The following EYS variants were observed in gnomAD, a reference collection of about 807,000 sequenced individuals.
EYS encodes EGF-like photoreceptor maintenance factor.
A neutral mutation model predicts 282.1 loss-of-function variants in EYS; 250 were observed. The ratio of observed to expected loss-of-function variants is 0.89; its 90% CI spans 0.80 to 0.98. EYS has a LOEUF of 0.98. Ranked by LOEUF, EYS falls within the 50% of genes least tolerant of loss-of-function variation. EYS has a pLI of 0.00. For synonymous variants in EYS, 1,355 were observed against 1,282.9 expected (o/e 1.06, Z -1.20); for missense variants, 4,016 against 3,709.0 (o/e 1.08, Z -2.15).
intron 12 of EYS, among the ~76,000 whole-genome samples, chr6:65,212,238 AATG>A (rs1171628940): frequency 6.6e-6 from 1 of 152,126 alleles, no homozygotes; most frequent in Non-Finnish European, 1.5e-5. Context: ...ATACAAACAA[AATG>A]ATGAGAGATA....
At chr6:64,406,958 C>A (rs1481917261) in intron 28 of EYS, among the ~76,000 whole-genome samples, 1 of 152,088 alleles carries the variant, frequency 6.6e-6, no homozygotes, top group African/African-American at 2.4e-5. Flanking sequence ...GGTATATACC[C>A]GAAGGATAAT....
intron 14 of EYS, among the ~76,000 whole-genome samples, chr6:64,983,058 T>C (rs918519121): frequency 6.6e-6 from 1 of 151,220 alleles, no homozygotes; most frequent in Non-Finnish European, 1.5e-5. Context: ...TTTTATAACA[T>C]TATGAATTTC....
chr6:64,111,229 CAG>C (rs1339714325), intron 31 of EYS, among the ~76,000 whole-genome samples: 1 of 151,966 alleles, frequency 6.6e-6, no homozygotes, highest in African/African-American at 2.4e-5. Flanking sequence ...ACCTCATTGG[CAG>C]AGACTCTGTC....
In EYS at chr6:64,151,317, T is replaced by G. The variant is rs11752243; in HGVS notation, c.6425-69315A>C. Among the ~76,000 whole-genome samples the G allele has an allele frequency of 8.3e-3, 437 of 52,396 alleles. 8 individuals are homozygous for G. The highest frequency in any genetic ancestry group is 0.059 in the East Asian group (80 of 1,366). The allele number at this position is 52,396 out of a possible 152,430, so 34.4% of individuals were successfully genotyped here. Reference sequence around the variant, plus strand: ...TTTTCACACGTGTGTGTGTGTATATTTATATATATATATATATATATATAT... The same window carrying G: ...TTTTCACACGTGTGTGTGTGTATATGTATATATATATATATATATATATAT... On this transcript the variant is annotated intron_variant, in intron 31 of 42. Transcript: ENST00000503581.
chr6:63,981,142 G>C (rs1275024999), intron 35 of EYS, among the ~76,000 whole-genome samples: 1 of 151,756 alleles, frequency 6.6e-6, no homozygotes, highest in East Asian at 1.9e-4. Flanking sequence ...AGCTGAAACT[G>C]CTTATGGTCT....
intron 26 of EYS, among the ~76,000 whole-genome samples, chr6:64,519,722 G>T (rs1044396022): frequency 6.6e-6 from 1 of 151,798 alleles, no homozygotes; most frequent in African/African-American, 2.4e-5. Context: ...TTTGAAACTT[G>T]AAGAATATCT....
At chr6:64,308,150 C>T (rs1207153590) in intron 29 of EYS, among the ~76,000 whole-genome samples, 1 of 151,992 alleles carries the variant, frequency 6.6e-6, no homozygotes, top group Non-Finnish European at 1.5e-5. Flanking sequence ...AGAAGAATTG[C>T]TCTTCTAGGG....
At chr6:63,747,704 C>A (rs1210355714) in intron 41 of EYS, among the ~76,000 whole-genome samples, 1 of 151,992 alleles carries the variant, frequency 6.6e-6, no homozygotes, top group African/African-American at 2.4e-5. Flanking sequence ...TATGTAATGT[C>A]CTTTTTTTTG....
intron 28 of EYS, among the ~76,000 whole-genome samples, chr6:64,390,569 T>A (rs1773088801): frequency 6.7e-6 from 1 of 150,096 alleles, no homozygotes; most frequent in African/African-American, 2.5e-5. Context: ...GGGTCCTGAC[T>A]GTTAGAAGGA....
At chr6:65,179,795 C>G (rs560391058) in intron 12 of EYS, among the ~76,000 whole-genome samples, 2 of 152,010 alleles carry the variant, frequency 1.3e-5, no homozygotes, top group Admixed American at 1.3e-4. Context: ...AACATTGATG[C>G]AAAAATCCTC....
chr6:64,033,054 C>G (rs1397191525), intron 33 of EYS, among the ~76,000 whole-genome samples: 2 of 152,148 alleles, frequency 1.3e-5, no homozygotes, highest in African/African-American at 2.4e-5. Flanking sequence ...AGAAGATGCT[C>G]CTATCACTCA....
chr6:65,220,997 G>C (rs376420445), intron 12 of EYS, among the ~76,000 whole-genome samples: 1 of 152,090 alleles, frequency 6.6e-6, no homozygotes, highest in Non-Finnish European at 1.5e-5. Context: ...AGGGTATCTG[G>C]CAGAAGAAAC....
At chr6:65,514,596 A>G (rs1316321062) in intron 2 of EYS, among the ~76,000 whole-genome samples, 1 of 152,190 alleles carries the variant, frequency 6.6e-6, no homozygotes, top group East Asian at 1.9e-4. Flanking sequence ...ACAGAGATAT[A>G]GATCAGTGGA....
chr6:64,368,796 G>A (rs913431436), intron 29 of EYS, among the ~76,000 whole-genome samples: 1 of 152,004 alleles, frequency 6.6e-6, no homozygotes, highest in East Asian at 1.9e-4. Flanking sequence ...TATAGATTCT[G>A]GATACTAGAC....
intron 30 of EYS, among the ~76,000 whole-genome samples, chr6:64,296,193 C>A (rs373919138): frequency 6.6e-6 from 1 of 152,096 alleles, no homozygotes; most frequent in Non-Finnish European, 1.5e-5. Context: ...TCTATTAAAA[C>A]TCTTCTATCT....
At chr6:65,546,323 T>A (rs1768385076) in intron 2 of EYS, among the ~76,000 whole-genome samples, 1 of 11,172 alleles carries the variant, frequency 9.0e-5, no homozygotes, top group Admixed American at 1.7e-3. Context: ...AGCCTATAAT[T>A]TTTTTTTTTT....
intron 35 of EYS, among the ~76,000 whole-genome samples, chr6:63,868,140 A>T (rs1204336578): frequency 6.6e-6 from 1 of 152,160 alleles, no homozygotes; most frequent in African/African-American, 2.4e-5. Flanking sequence ...TAACTTCAAC[A>T]TAAAAGAGGA....
intron 41 of EYS, among the ~76,000 whole-genome samples, chr6:63,742,662 CT>C (rs1769106130): frequency 6.6e-6 from 1 of 152,192 alleles, no homozygotes; most frequent in Non-Finnish European, 1.5e-5. Context: ...CTCTTAGATA[CT>C]ACCCCTACCC....
chr6:65,442,882 A>G (rs13217511), intron 5 of EYS, among the ~76,000 whole-genome samples: 16,473 of 145,666 alleles, frequency 0.11, 3,110 homozygotes, highest in South Asian at 0.19. Context: ...ATATACACAT[A>G]CATATGTACA....
Sources: gnomAD v4.1 joint callset for allele counts (sites outside exome capture counted in the v4.1 genomes callset) on GRCh38, gnomAD v4.1.1 for gene constraint, MANE v1.5 for transcripts, NCBI Gene and HGNC (gene_info 2026-07-23, HGNC 2026-07-21) for gene names.